DLGAP2: variants seen among roughly 807,000 people sequenced by gnomAD.
DLGAP2 encodes the protein DLG associated protein 2, also known as disks large-associated protein 2.
DLGAP2 carries 26 observed loss-of-function variants against 100.3 expected under a neutral mutation model. The observed-to-expected ratio is 0.26, with a 90% confidence interval of 0.19 to 0.36. DLGAP2 has a LOEUF of 0.36. Among genes scored for constraint, DLGAP2 ranks in the 10% least tolerant of loss-of-function variants. DLGAP2 has a pLI of 1.00. For synonymous variants in DLGAP2, 886 were observed against 630.1 expected, an observed-to-expected ratio of 1.41 and a Z score of -6.08; for missense variants, 1,858 against 1,453.2, an observed-to-expected ratio of 1.28 and a Z score of -4.53.
chr8:963,240 G>A lies in DLGAP2; in HGVS notation c.73+55274G>A, dbSNP rs140125554. Reference sequence around the variant, plus strand: ...GGTGGATGTAGCTTCGCCACCCCACGACCCCATTTGGAAACAGTGTTTGAA... The same window carrying A: ...GGTGGATGTAGCTTCGCCACCCCACAACCCCATTTGGAAACAGTGTTTGAA... On this transcript the variant is annotated intron_variant, in intron 2 of 14. Transcript: ENST00000637795. Among the ~76,000 whole-genome samples, 36 of 149,622 alleles carry A rather than the reference G, an allele frequency of 2.4e-4. 1 individual carries two copies. Among genetic ancestry groups the A allele is most frequent in the African/African-American group, 8.2e-4 (32 of 39,108 alleles).
chr8:891,839 C>T (rs1034771085), intron 1 of DLGAP2, among the ~76,000 whole-genome samples: 4 of 152,184 alleles, frequency 2.6e-5, no homozygotes, highest in African/African-American at 9.7e-5. Context: ...TGCATCCCAG[C>T]CAGCCGAGGA....
intron 2 of DLGAP2, among the ~76,000 whole-genome samples, chr8:927,828 A>C (rs756701561): frequency 1.2e-4 from 18 of 152,204 alleles, no homozygotes; most frequent in Admixed American, 6.5e-5. Flanking sequence ...TAATGAGAAA[A>C]AAAGGGCAGA....
intron 1 of DLGAP2, among the ~76,000 whole-genome samples, chr8:804,519 AG>A (rs1796229682): frequency 6.6e-6 from 1 of 152,188 alleles, no homozygotes; most frequent in African/African-American, 2.4e-5. Flanking sequence ...GACGAGATGC[AG>A]GGCTGACATG....
At chr8:1,687,916 C>T (rs2130870740) in intron 12 of DLGAP2, among the ~76,000 whole-genome samples, 1 of 152,262 alleles carries the variant, frequency 6.6e-6, no homozygotes, top group East Asian at 1.9e-4. Flanking sequence ...TCATTAATTA[C>T]CCAGGTTTTA....
At chr8:1,095,997 T>C (rs899026973) in intron 2 of DLGAP2, among the ~76,000 whole-genome samples, 6 of 152,136 alleles carry the variant, frequency 3.9e-5, no homozygotes, top group African/African-American at 7.2e-5. Context: ...AATGATTTTT[T>C]TAAGGAATCA....
chr8:1,387,398 G>A (rs182385666), intron 3 of DLGAP2, among the ~76,000 whole-genome samples: 53 of 152,328 alleles, frequency 3.5e-4, no homozygotes, highest in Admixed American at 1.1e-3. Context: ...CAGTGGCCAC[G>A]GGGCTGCAGA....
At chr8:789,622 G>T (rs1821971941) in intron 1 of DLGAP2, among the ~76,000 whole-genome samples, 1 of 152,108 alleles carries the variant, frequency 6.6e-6, no homozygotes. Context: ...TTCTTTTTGG[G>T]TAACATACTA....
intron 3 of DLGAP2, among the ~76,000 whole-genome samples, chr8:1,433,267 C>T (rs1408960129): frequency 1.3e-5 from 2 of 152,170 alleles, no homozygotes; most frequent in Admixed American, 6.5e-5. Flanking sequence ...AGAACCCATC[C>T]AGCTCTCTGC....
At chr8:1,163,234 T>A (rs757602807) in intron 2 of DLGAP2, among the ~76,000 whole-genome samples, 5 of 152,166 alleles carry the variant, frequency 3.3e-5, no homozygotes, top group Non-Finnish European at 7.3e-5. Context: ...CAGCTGCGCC[T>A]CCTCCCAATC....
At chr8:1,226,014 A>G (rs1433895473) in intron 2 of DLGAP2, among the ~76,000 whole-genome samples, 2 of 152,108 alleles carry the variant, frequency 1.3e-5, no homozygotes, top group African/African-American at 2.4e-5. Flanking sequence ...TCTCATAGGT[A>G]TATATGCATA....
At chr8:910,542 A>T (rs895465556) in intron 2 of DLGAP2, 5 of 152,290 alleles carry the variant, frequency 3.3e-5, no homozygotes, top group Non-Finnish European at 7.4e-5. Flanking sequence ...TACATATGTG[A>T]CTTTTAAGCC....
intron 3 of DLGAP2, among the ~76,000 whole-genome samples, chr8:1,457,999 TATATATATA>T (rs1798365791): frequency 7.4e-6 from 1 of 135,704 alleles, no homozygotes; most frequent in Non-Finnish European, 1.5e-5. Context: ...TATATATATA[TATATATATA>T]TATATAATTT....
At chr8:1,259,385 A>G (rs1799298947) in intron 3 of DLGAP2, among the ~76,000 whole-genome samples, 1 of 152,214 alleles carries the variant, frequency 6.6e-6, no homozygotes, top group African/African-American at 2.4e-5. Context: ...GCGGCAAAGT[A>G]GGGCCCCTGA....
At chr8:874,581 G>A (rs902156176) in intron 1 of DLGAP2, among the ~76,000 whole-genome samples, 2 of 152,086 alleles carry the variant, frequency 1.3e-5, no homozygotes, top group African/African-American at 2.4e-5. Context: ...TGTGTTATTT[G>A]TATCATTTTA....
In DLGAP2 at chr8:1,611,084, C is replaced by A. The variant is rs1199916012; in HGVS notation, c.1443-15656C>A. On this transcript the variant is annotated intron_variant, in intron 6 of 14. Coordinates refer to ENST00000637795, the MANE Select transcript of DLGAP2 (RefSeq NM_001346810.2). ...TACCAAAGCCGGGCAGAGACACAAC[C>A]AAAAAAGAGAATTTTAGACCAATAT... 5.7e-5 allele frequency among the ~76,000 whole-genome samples: 8 copies of A among 140,154 alleles called. No homozygotes were observed. The East Asian group carries it at 1.1e-3, about 19-fold the overall frequency. 91.9% of individuals were successfully genotyped at this position (140,154 alleles called of 152,430 possible).
At chr8:1,028,685 G>A (rs12678439) in intron 2 of DLGAP2, among the ~76,000 whole-genome samples, 9,092 of 152,296 alleles carry the variant, frequency 0.06, 557 homozygotes, top group African/African-American at 0.13. Context: ...AGGGTGTGGA[G>A]ACAAAGGAGG....
intron 3 of DLGAP2, among the ~76,000 whole-genome samples, chr8:1,355,683 G>GA (rs1267341249): frequency 6.6e-6 from 1 of 151,992 alleles, no homozygotes; most frequent in African/African-American, 2.4e-5. Context: ...ATTTTTTAAT[G>GA]AAAAAATAAA....
intron 3 of DLGAP2, among the ~76,000 whole-genome samples, chr8:1,424,034 C>T (rs1000324770): frequency 3.9e-5 from 6 of 152,218 alleles, no homozygotes; most frequent in Non-Finnish European, 7.3e-5. Context: ...ATCAGGCAGC[C>T]AGTTGGATGG....
intron 2 of DLGAP2, among the ~76,000 whole-genome samples, chr8:1,023,146 G>C (rs1358133081): frequency 6.6e-6 from 1 of 152,300 alleles, no homozygotes; most frequent in Non-Finnish European, 1.5e-5. Context: ...ATTTTCAAAG[G>C]ACACACTGTC....
Sources: gnomAD v4.1 joint callset for allele counts (sites outside exome capture counted in the v4.1 genomes callset) on GRCh38, gnomAD v4.1.1 for gene constraint, MANE v1.5 for transcripts, NCBI Gene and HGNC (gene_info 2026-07-23, HGNC 2026-07-21) for gene names.